The following SMYD3 variants were observed in gnomAD, a reference collection of about 807,000 sequenced individuals.
SMYD3 encodes the protein histone-lysine N-methyltransferase SMYD3.
SMYD3 carries 36 observed loss-of-function variants against 57.7 expected under a neutral mutation model. That is an observed-to-expected ratio of 0.62 (90% CI 0.48 to 0.82). The LOEUF is 0.82. Ranked by LOEUF, SMYD3 falls within the 40% of genes least tolerant of loss-of-function variation. The pLI, the probability that SMYD3 is intolerant of heterozygous loss-of-function variation, is 0.00. For synonymous variants in SMYD3, 211 were observed against 195.0 expected, an observed-to-expected ratio of 1.08 and a Z score of -0.68; for missense variants, 515 against 538.8, an observed-to-expected ratio of 0.96 and a Z score of 0.44.
At chr1:245,837,504 G>A (rs1311100527) in intron 10 of SMYD3, among the ~76,000 whole-genome samples, 3 of 152,104 alleles carry the variant, frequency 2.0e-5, no homozygotes. Context: ...TCTCTGTCCT[G>A]CAGTCGTGGG....
At chr1:246,459,058 G>A (rs2067751694) in intron 1 of SMYD3, among the ~76,000 whole-genome samples, 1 of 152,082 alleles carries the variant, frequency 6.6e-6, no homozygotes, top group South Asian at 2.1e-4. Flanking sequence ...GGCCTGATGG[G>A]GGGGTGACTG....
In SMYD3 at chr1:245,788,310, T is replaced by A. The variant is rs542804917; in HGVS notation, c.1077-24161A>T. Among the ~76,000 whole-genome samples the A allele has an allele frequency of 1.7e-4, 26 of 152,282 alleles. No individual in the cohort carries two copies. In the South Asian group the frequency reaches 5.2e-3, roughly 30 times the overall value. On this transcript the variant is annotated intron_variant, in intron 10 of 11. Coordinates refer to ENST00000490107, the MANE Select transcript of SMYD3 (RefSeq NM_001167740.2). Reference sequence around the variant, plus strand: ...AGCACAGGGAACAGGGCGAGGAGAATGGTGTCCAGGGCACCTATGAAGCAT... The same window carrying A: ...AGCACAGGGAACAGGGCGAGGAGAAAGGTGTCCAGGGCACCTATGAAGCAT...
chr1:246,072,057 A>C (rs200571046), intron 5 of SMYD3, among the ~76,000 whole-genome samples: 9 of 18,986 alleles, frequency 4.7e-4, no homozygotes, highest in East Asian at 3.3e-3. Context: ...CTCACTGTGG[A>C]TGCATCGTGT....
chr1:246,307,712 C>T (rs1317879644), intron 5 of SMYD3, among the ~76,000 whole-genome samples: 6 of 152,204 alleles, frequency 3.9e-5, no homozygotes, highest in Admixed American at 1.3e-4. Context: ...AGCCACCGCG[C>T]CCGGCCAAAT....
At chr1:245,807,763 A>G (rs2048259579) in intron 10 of SMYD3, among the ~76,000 whole-genome samples, 1 of 151,694 alleles carries the variant, frequency 6.6e-6, no homozygotes, top group Non-Finnish European at 1.5e-5. Context: ...TTAAAAGTCT[A>G]TAGATTAATC....
chr1:245,863,971 T>A, intron 8 of SMYD3, 85 bp from the exon 9 acceptor site: 1 of 1,248,408 alleles, frequency 8.0e-7, no homozygotes, highest in Non-Finnish European at 1.2e-6. Context: ...GATATACAAA[T>A]GGCCTGCAAG....
rs199766172 is a variant in SMYD3 at position 245,749,628 on chromosome 1, G to A, written c.1222C>T (p.His408Tyr). Residue 408 changes from histidine (H) to tyrosine (Y), a missense_variant, in exon 12 of 12, where the codon CAC becomes TAC. His to Tyr is a moderately conservative substitution (Grantham distance 83). Transcript: ENST00000490107. ...DIMRVTHGREHSLIEDLILLL... is the reference protein window; with the variant it reads ...DIMRVTHGREYSLIEDLILLL... ...AGAATCAAATCTTCAATCAGGCTGT[G>A]TTCTCTGCCATGTGTCACTCTCATA... 1.2e-6 allele frequency: 2 copies of A among 1,614,118 alleles called. No homozygotes were observed. The highest frequency in any genetic ancestry group is 1.7e-5 in the Admixed American group (1 of 60,016).
intron 5 of SMYD3, among the ~76,000 whole-genome samples, chr1:246,176,913 C>T (rs768583480): frequency 1.3e-5 from 2 of 152,086 alleles, no homozygotes; most frequent in African/African-American, 2.4e-5. Flanking sequence ...AAAGAATGCA[C>T]GTATAACATA....
At chr1:246,131,930 G>C (rs530551329) in intron 5 of SMYD3, among the ~76,000 whole-genome samples, 5 of 152,232 alleles carry the variant, frequency 3.3e-5, no homozygotes, top group African/African-American at 4.8e-5. Context: ...AGAAATTCTT[G>C]ATGTCCTTCT....
chr1:246,050,056 A>C (rs1441451575), intron 5 of SMYD3, among the ~76,000 whole-genome samples: 1 of 152,254 alleles, frequency 6.6e-6, no homozygotes, highest in Non-Finnish European at 1.5e-5. Flanking sequence ...TATAACCAAC[A>C]AACAACCTTT....
At chr1:245,926,224 T>TCCA (rs1187487245) in intron 7 of SMYD3, among the ~76,000 whole-genome samples, 2 of 152,178 alleles carry the variant, frequency 1.3e-5, no homozygotes, top group Non-Finnish European at 2.9e-5. Context: ...GGATAAAGTT[T>TCCA]TCAACAGATG....
At chr1:246,481,347 G>T (rs2068097039) in intron 1 of SMYD3, among the ~76,000 whole-genome samples, 1 of 151,634 alleles carries the variant, frequency 6.6e-6, no homozygotes, top group South Asian at 2.1e-4. Flanking sequence ...GTGAACTGAG[G>T]AAAGCAGATT....
chr1:246,374,338 G>A (rs1264697506), intron 1 of SMYD3, among the ~76,000 whole-genome samples: 1 of 152,152 alleles, frequency 6.6e-6, no homozygotes, highest in Non-Finnish European at 1.5e-5. Context: ...CAGCATGTCT[G>A]CAGTCAGTTG....
Position 246,466,173 on chromosome 1 carries a change from A to G in SMYD3, c.164+40881T>C, listed in dbSNP as rs117563877. 2.0e-4 allele frequency among the ~76,000 whole-genome samples: 31 copies of G among 152,354 alleles called. No homozygotes were observed. The East Asian group carries it at 5.2e-3, about 26-fold the overall frequency. ...AAAACAGAACTATCATTTGACCAGC[A>G]ATCCCATTACTTGGTATATGCCCAA... On this transcript the variant is annotated intron_variant, in intron 1 of 11. Transcript: ENST00000490107.
rs558906325 is a variant in SMYD3, at chr1:245,859,637, G to A, written c.902-967C>T. Among the ~76,000 whole-genome samples, 8 of 152,308 alleles carry A rather than the reference G, an allele frequency of 5.3e-5. No individual in the cohort carries two copies. In the South Asian group the frequency reaches 1.5e-3, roughly 28 times the overall value. ...GGACCTCGCAGTTTCTTCACTGTGC[G>A]GTGTGTTAGGCGAGCTGGAGACCAA... is the stretch of plus-strand genomic sequence containing the variant. On this transcript the variant is annotated intron_variant, in intron 9 of 11. Transcript: ENST00000490107.
At chr1:246,180,078 C>CA (rs2062510289) in intron 5 of SMYD3, among the ~76,000 whole-genome samples, 1 of 151,306 alleles carries the variant, frequency 6.6e-6, no homozygotes, top group Non-Finnish European at 1.5e-5. Flanking sequence ...GAGGTCAAGG[C>CA]AGGAGGATCA....
In SMYD3 at chr1:246,500,701, C is replaced by G. The variant is rs1179100613; in HGVS notation, c.164+6353G>C. 2.0e-5 allele frequency among the ~76,000 whole-genome samples: 3 copies of G among 152,192 alleles called. No individual in the cohort carries two copies. In the South Asian group the frequency reaches 6.2e-4, roughly 32 times the overall value. On this transcript the variant is annotated intron_variant, in intron 1 of 11. Transcript: ENST00000490107. ...AGTTCCAGGCACCAGCCTCTATCCCCGTCCCCATGGTTGCTCTGTTCTTGA... is the reference window on the plus strand; with the variant it reads ...AGTTCCAGGCACCAGCCTCTATCCCGGTCCCCATGGTTGCTCTGTTCTTGA...
chr1:245,953,459 C>T (rs1051275096), intron 5 of SMYD3: 19 of 636,348 alleles, frequency 3.0e-5, no homozygotes, highest in Admixed American at 6.3e-5. Context: ...CTCGCTCTGT[C>T]ACCCAGGCTG....
chr1:245,806,322 A>G (rs1572388387), intron 10 of SMYD3, among the ~76,000 whole-genome samples: 1 of 152,134 alleles, frequency 6.6e-6, no homozygotes, highest in African/African-American at 2.4e-5. Context: ...TTGAATGCTT[A>G]TTTTTTGCCA....
Sources: allele counts gnomAD v4.1 joint callset (sites outside exome capture counted in the v4.1 genomes callset), GRCh38; gene constraint gnomAD v4.1.1; transcripts MANE v1.5; gene names NCBI Gene and HGNC (gene_info 2026-07-23, HGNC 2026-07-21).